The following ATP2A1 variants were observed in gnomAD, a reference collection of about 807,000 sequenced individuals.
The protein encoded by ATP2A1 is ATPase sarcoplasmic/endoplasmic reticulum Ca2+ transporting 1.
In ATP2A1, 83 loss-of-function variants were observed where a neutral mutation model predicts 109.5. The observed-to-expected ratio is 0.76, with a 90% CI of 0.63 to 0.91. ATP2A1 has a LOEUF of 0.91. Among genes scored for constraint, ATP2A1 ranks in the 40% least tolerant of loss-of-function variants. The pLI, the probability that ATP2A1 is intolerant of heterozygous loss-of-function variation, is 0.00. For missense variants in ATP2A1, 1,101 were observed against 1,341.0 expected, an observed-to-expected ratio of 0.82 and a Z score of 2.80; for synonymous variants, 505 against 537.6, an observed-to-expected ratio of 0.94 and a Z score of 0.84.
rs773223975 is a variant in ATP2A1, at chr16:28,901,982, C to T, written c.2220C>T (p.Phe740=). The change falls in exon 16 of 23, where the codon TTC becomes TTT. Residue 740 remains phenylalanine, a synonymous_variant. Coordinates refer to ENST00000395503, the MANE Select transcript of ATP2A1 (RefSeq NM_004320.6). ...AGATGGTGCTGGCTGACGACAACTT[C>T]TCCACCATCGTAGCTGCTGTGGAGG... is the stretch of plus-strand genomic sequence containing the variant. ...ASEMVLADDN[F]STIVAAVEEG... is the part of the protein sequence containing the mutation. The T allele has an allele frequency of 6.2e-7, 1 of 1,614,244 alleles. No individual in the cohort carries two copies.
chr16:28,902,531 C>A lies in ATP2A1; in HGVS notation c.2525-49C>A, dbSNP rs1181092664. On this transcript the variant is annotated intron_variant, in intron 17 of 22. Transcript: ENST00000395503. The surrounding 1 kb of genome is among the most constrained non-coding windows in gnomAD (Gnocchi z 4.8). ...CACATGAGGCCCTCAACCCTCGATG[C>A]CCCCTATCTCCCCAGCCCTGACCCC... 2.5e-6 allele frequency: 4 copies of A among 1,590,944 alleles called. No individual in the cohort carries two copies. The highest frequency in any genetic ancestry group is 1.7e-6 in the Non-Finnish European group (2 of 1,162,228).
intron 9 of ATP2A1, among the ~76,000 whole-genome samples, chr16:28,890,691 T>G (rs1963745471): frequency 6.6e-6 from 1 of 151,974 alleles, no homozygotes; most frequent in South Asian, 2.1e-4. Flanking sequence ...TTGTTTGTTT[T>G]TTTTTGTTTT....
chr16:28,881,968 C>T (rs1056333652), intron 4 of ATP2A1, among the ~76,000 whole-genome samples: 1 of 151,822 alleles, frequency 6.6e-6, no homozygotes, highest in African/African-American at 2.4e-5. Flanking sequence ...GACAGGGTCT[C>T]GTTCTCTTGC....
chr16:28,892,275 G>A (rs778332872), intron 9 of ATP2A1: 11 of 242,114 alleles, frequency 4.5e-5, no homozygotes, highest in African/African-American at 7.0e-5. Context: ...AAAAGCTGTC[G>A]TTTTTTTCTT....
rs371058445 is a variant in ATP2A1, at chr16:28,898,404, C to T, written c.1717C>T (p.Arg573Ter). The change falls in exon 14 of 23, where the codon CGA (arginine) becomes TGA (stop). Residue 573 changes from arginine (R) to a stop codon, truncating the protein, a stop_gained. Transcript: ENST00000395503. LOFTEE classifies it high-confidence loss of function. The surrounding 1 kb of genome is among the most constrained non-coding windows in gnomAD (Gnocchi z 4.0). Reference protein sequence around the residue: ...ALATRDTPPKREEMVLDDSAR... With the variant: ...ALATRDTPPK Reference sequence around the variant, plus strand: ...GGCCACCCGGGACACCCCCCCGAAGCGAGAGGAAATGGTCCTGGATGACTC... The same window carrying T: ...GGCCACCCGGGACACCCCCCCGAAGTGAGAGGAAATGGTCCTGGATGACTC... 13 of 1,614,064 alleles carry T rather than the reference C, an allele frequency of 8.1e-6. No individual in the cohort carries two copies. Among genetic ancestry groups the T allele is most frequent in the Admixed American group, 1.7e-5 (1 of 60,002 alleles).
chr16:28,879,403 A>AG, intron 2 of ATP2A1, 98 bp from the exon 3 acceptor site: 1 of 1,164,856 alleles, frequency 8.6e-7, no homozygotes, highest in Non-Finnish European at 1.3e-6. Flanking sequence ...CCACCACCCT[A>AG]GAGCCTCCCC....
chr16:28,903,245 G>A lies in ATP2A1; in HGVS notation c.2863-78G>A. On this transcript the variant is annotated intron_variant, in intron 20 of 22. Coordinates refer to ENST00000395503, the MANE Select transcript of ATP2A1 (RefSeq NM_004320.6). The surrounding 1 kb of genome is among the most constrained non-coding windows in gnomAD (Gnocchi z 5.6). ...CCAGGGGCGCCGATGTGGGAGGCTG[G>A]TGGGAGTGGGCTGGGCAGTGCTGGT... is the stretch of plus-strand genomic sequence containing the variant. The A allele has an allele frequency of 2.5e-6, 4 of 1,573,510 alleles. No individual in the cohort carries two copies. Among genetic ancestry groups the A allele is most frequent in the Non-Finnish European group, 3.5e-6 (4 of 1,144,028 alleles).
At position 28,879,525 on chromosome 16, in the gene ATP2A1, T is replaced by C. The variant is rs1366705049; in HGVS notation, c.161T>C (p.Ile54Thr). ...GGGAAGACCCTGTGGGAGCTGGTGA[T>C]AGAGCAGTTTGAAGACCTCCTGGTG... Reference protein sequence around the residue: ...EEGKTLWELVIEQFEDLLVRI... With the variant: ...EEGKTLWELVTEQFEDLLVRI... The change falls in exon 3 of 23, where the codon ATA (isoleucine) becomes ACA (threonine). Residue 54 changes from isoleucine to threonine, a missense_variant. Physicochemically the swap from Ile to Thr is moderately conservative, Grantham distance 89 (BLOSUM62 -1). Coordinates refer to ENST00000395503, the MANE Select transcript of ATP2A1 (RefSeq NM_004320.6). 2 of 1,614,116 alleles carry C rather than the reference T, an allele frequency of 1.2e-6. No homozygotes were observed. The highest frequency in any genetic ancestry group is 1.7e-5 in the Admixed American group (1 of 60,022).
In ATP2A1 at chr16:28,888,811, G is replaced by C; in HGVS notation, c.953G>C (p.Cys318Ser). The C allele has an allele frequency of 3.1e-6, 5 of 1,613,248 alleles. No homozygotes were observed. Among genetic ancestry groups the C allele is most frequent in the Non-Finnish European group, 4.2e-6 (5 of 1,179,674 alleles). Residue 318 changes from cysteine (C) to serine (S), a missense_variant, in exon 9 of 23, where the codon TGC (cysteine) becomes TCC (serine). Coordinates refer to ENST00000395503, the MANE Select transcript of ATP2A1 (RefSeq NM_004320.6). ...GGTCTTCCTGCAGTCATCACCACCT[G>C]CCTGGCCCTGGGTACCCGTCGGATG... is the stretch of plus-strand genomic sequence containing the variant. ...PEGLPAVITTCLALGTRRMAK... is the reference protein window; with the variant it reads ...PEGLPAVITTSLALGTRRMAK...
At chr16:28,885,021 C>T (rs562804756) in intron 6 of ATP2A1, among the ~76,000 whole-genome samples, 142 of 152,036 alleles carry the variant, frequency 9.3e-4, no homozygotes, top group Non-Finnish European at 4.0e-4. Flanking sequence ...GGTGGATCAC[C>T]TGAGGTCAGG....
chr16:28,887,987 G>C (rs1963662484), intron 8 of ATP2A1, among the ~76,000 whole-genome samples: 2 of 151,986 alleles, frequency 1.3e-5, no homozygotes. Flanking sequence ...ATTTTTAGTA[G>C]ATACGGGGTT....
chr16:28,903,391 C>T lies in ATP2A1; in HGVS notation c.2931C>T (p.Val977=), dbSNP rs1207217558. Residue 977 remains valine, a synonymous_variant, in exon 21 of 23, where the codon GTC becomes GTT. Transcript: ENST00000395503. This position sits in a 1 kb window ranked among gnomAD's most constrained non-coding sequence, Gnocchi z 5.6. ...TGGTCCTCAAGATCTCACTGCCAGT[C>T]ATTGGGCTCGACGAAATCCTCAAGT... ...WLMVLKISLP[V]IGLDEILKFV... The T allele has an allele frequency of 3.7e-6, 6 of 1,613,922 alleles. No homozygotes were observed. Among genetic ancestry groups the T allele is most frequent in the Non-Finnish European group, 5.1e-6 (6 of 1,179,982 alleles).
In ATP2A1 at chr16:28,900,643, C is replaced by T. The variant is rs761936777; in HGVS notation, c.1827C>T (p.Gly609=). 1.9e-6 allele frequency: 3 copies of T among 1,603,746 alleles called. No homozygotes were observed. Among genetic ancestry groups the T allele is most frequent in the Admixed American group, 1.7e-5 (1 of 59,746 alleles). Reference sequence around the variant, plus strand: ...ACCCTCCGCGCAAGGAGGTCACGGGCTCCATCCAGCTGTGCCGTGACGCCG... The same window carrying T: ...ACCCTCCGCGCAAGGAGGTCACGGGTTCCATCCAGCTGTGCCGTGACGCCG... ...MLDPPRKEVT[G]SIQLCRDAGI... is the part of the protein sequence containing the mutation. The change falls in exon 15 of 23, where the codon GGC becomes GGT. Residue 609 remains glycine (G), a synonymous_variant. Transcript: ENST00000395503.
intron 9 of ATP2A1, among the ~76,000 whole-genome samples, chr16:28,891,373 T>A (rs141263792): frequency 6.6e-6 from 1 of 151,682 alleles, no homozygotes; most frequent in East Asian, 2.0e-4. Flanking sequence ...GGTGAGCAGA[T>A]CACCTGAGGT....
chr16:28,887,866 T>C (rs541732569), intron 8 of ATP2A1, 144 bp downstream of exon 8: 1 of 1,113,762 alleles, frequency 9.0e-7, no homozygotes, highest in Non-Finnish European at 1.3e-6. Context: ...AGTGGCGTGA[T>C]CTCGGCTCAC....
chr16:28,889,350 G>C (rs544659811), intron 9 of ATP2A1, among the ~76,000 whole-genome samples: 4 of 152,040 alleles, frequency 2.6e-5, no homozygotes, highest in African/African-American at 7.2e-5. Flanking sequence ...TCTGCCTCCC[G>C]GGTTCAAGCG....
rs1963456359 is a variant in ATP2A1, at chr16:28,881,013, T to C, written c.318T>C (p.Val106=). The stretch of plus-strand genomic sequence containing the variant: ...TCATTGCCAATGCCATCGTGGGGGT[T>C]TGGCAGGTTAGCGTTGACCCTTCCT... ...LILIANAIVG[V]WQERNAENAI... Residue 106 remains valine, a synonymous_variant, in exon 4 of 23, where the codon GTT becomes GTC. Transcript: ENST00000395503. 1 of 1,613,992 alleles carries C rather than the reference T, an allele frequency of 6.2e-7. No homozygotes were observed. The highest frequency in any genetic ancestry group is 8.5e-7 in the Non-Finnish European group (1 of 1,179,970).
At position 28,879,602 on chromosome 16, in the gene ATP2A1, CTG is replaced by C. The variant is rs1491225045; in HGVS notation, c.219+20_219+21del. 32 of 1,612,868 alleles carry C rather than the reference CTG, an allele frequency of 2.0e-5. No individual in the cohort carries two copies. The highest frequency in any genetic ancestry group is 2.7e-5 in the Non-Finnish European group (32 of 1,179,292). On this transcript the variant is annotated intron_variant, in intron 3 of 22. Transcript: ENST00000395503. The stretch of plus-strand genomic sequence containing the variant: ...TTCCTTCGTAAGTGTGGGAGGGTCT[CTG>C]GGGGCTGGCTGGGGGTGTGAGGCTG...
rs1350577027 is a variant in ATP2A1, at chr16:28,887,372, C to A, written c.631-53C>A. ...TGAGAAGAGATGGCGTGGGGAGATG[C>A]GGCATGAGGGTCACCTCTTGCCTGA... On this transcript the variant is annotated intron_variant, in intron 7 of 22. Transcript: ENST00000395503. 2.9e-5 allele frequency: 46 copies of A among 1,610,590 alleles called. No individual in the cohort carries two copies. In the East Asian group the frequency reaches 9.4e-4, roughly 33 times the overall value.
Sources: gnomAD v4.1 joint callset for allele counts (sites outside exome capture counted in the v4.1 genomes callset) on GRCh38, gnomAD v4.1.1 for gene constraint, Gnocchi (gnomAD v3.1) non-coding constraint, MANE v1.5 for transcripts, NCBI Gene and HGNC (gene_info 2026-07-23, HGNC 2026-07-21) for gene names.